SVOPL: variants seen among roughly 807,000 people sequenced by gnomAD.
The protein encoded by SVOPL is SVOP like, also known as putative transporter SVOPL.
In SVOPL, 60 loss-of-function variants were observed where a neutral mutation model predicts 61.0. The ratio of observed to expected loss-of-function variants is 0.98; its 90% confidence interval spans 0.80 to 1.22. The LOEUF is 1.22. SVOPL is among the 50% of genes most tolerant of loss of function. The pLI, the probability that SVOPL is intolerant of heterozygous loss-of-function variation, is 0.00. For synonymous variants in SVOPL, 279 were observed against 250.0 expected, an observed-to-expected ratio of 1.12 and a Z score of -1.09; for missense variants, 662 against 643.9, an observed-to-expected ratio of 1.03 and a Z score of -0.30.
At chr7:138,630,231 C>T in intron 9 of SVOPL, 109 bp from the exon 10 acceptor site, 4 of 842,266 alleles carry the variant, frequency 4.7e-6, no homozygotes, top group Non-Finnish European at 8.0e-6. Flanking sequence ...AGCATGGTGG[C>T]CTGCGATAAC....
At chr7:138,626,851 G>GAA (rs58498689) in intron 12 of SVOPL, among the ~76,000 whole-genome samples, 9 of 148,578 alleles carry the variant, frequency 6.1e-5, no homozygotes, top group Admixed American at 1.3e-4. Context: ...CTGTCTCAAA[G>GAA]AAAAAAAAAA....
intron 14 of SVOPL, among the ~76,000 whole-genome samples, chr7:138,620,163 C>T (rs1159180506): frequency 1.4e-5 from 2 of 143,722 alleles, no homozygotes; most frequent in Non-Finnish European, 3.0e-5. Flanking sequence ...CACTCTCGCC[C>T]AGCCTAGAGT....
At chr7:138,604,182 T>TC (rs1324452192) in intron 14 of SVOPL, among the ~76,000 whole-genome samples, 1 of 152,004 alleles carries the variant, frequency 6.6e-6, no homozygotes, top group Non-Finnish European at 1.5e-5. Flanking sequence ...CAGGCTGGTC[T>TC]CAGACTCCCA....
chr7:138,601,434 G>A (rs1021611179), intron 14 of SVOPL, among the ~76,000 whole-genome samples: 1 of 151,864 alleles, frequency 6.6e-6, no homozygotes, highest in East Asian at 1.9e-4. Flanking sequence ...CCTTGAAAAA[G>A]GAGGAAATGC....
At chr7:138,601,176 C>T (rs981610864) in intron 14 of SVOPL, among the ~76,000 whole-genome samples, 9 of 144,990 alleles carry the variant, frequency 6.2e-5, no homozygotes, top group South Asian at 2.2e-4. Context: ...GGCGTGAATT[C>T]GGGAGGCGGA....
intron 7 of SVOPL, among the ~76,000 whole-genome samples, chr7:138,650,109 C>A (rs1000419141): frequency 7.9e-5 from 12 of 152,104 alleles, no homozygotes; most frequent in Non-Finnish European, 1.5e-4. Context: ...GGATTACAGG[C>A]GCGAGCCACT....
chr7:138,630,247 A>G, intron 9 of SVOPL, 125 bp from the exon 10 acceptor site: 1 of 722,352 alleles, frequency 1.4e-6, no homozygotes, highest in Non-Finnish European at 2.5e-6. Flanking sequence ...ATAACCACTC[A>G]GCTCCTATGA....
intron 14 of SVOPL, among the ~76,000 whole-genome samples, chr7:138,606,421 C>A (rs952146692): frequency 6.6e-6 from 1 of 152,094 alleles, no homozygotes; most frequent in African/African-American, 2.4e-5. Context: ...TGTAACTTCC[C>A]TTATCTGCGT....
chr7:138,677,877 C>T (rs1802607701), intron 3 of SVOPL, among the ~76,000 whole-genome samples: 1 of 151,858 alleles, frequency 6.6e-6, no homozygotes, highest in Non-Finnish European at 1.5e-5. Flanking sequence ...ATTCTCCTGC[C>T]TCAGCCTCCC....
chr7:138,602,607 C>T (rs1229622957), intron 14 of SVOPL, among the ~76,000 whole-genome samples: 1 of 152,148 alleles, frequency 6.6e-6, no homozygotes, highest in Non-Finnish European at 1.5e-5. Flanking sequence ...CTCCCCCTTC[C>T]TTTTGTGTTC....
intron 15 of SVOPL, 65 bp from the exon 16 acceptor site, chr7:138,594,686 G>T: frequency 8.4e-7 from 1 of 1,192,934 alleles, no homozygotes; most frequent in South Asian, 1.8e-5. Context: ...TTCATACTGA[G>T]CTATCTGATA....
chr7:138,649,075 G>T lies in SVOPL; in HGVS notation c.597C>A (p.Ile199=). The change falls in exon 8 of 16, where the codon ATC becomes ATA. Residue 199 remains isoleucine (I), a synonymous_variant. Transcript: ENST00000674285. The stretch of plus-strand genomic sequence containing the variant: ...CGACGCGAATGAGCCAGCGCCACCC[G>T]ATGGTGGGGATGATCACAGAGGCCA... ...IGLASVIIPT[I]GWRWLIRVAS... 1 of 1,613,934 alleles carries T rather than the reference G, an allele frequency of 6.2e-7. No homozygotes were observed. Among genetic ancestry groups the T allele is most frequent in the Non-Finnish European group, 8.5e-7 (1 of 1,179,958 alleles).
intron 14 of SVOPL, among the ~76,000 whole-genome samples, chr7:138,620,041 C>T (rs1242664151): frequency 2.0e-5 from 3 of 151,168 alleles, no homozygotes; most frequent in Middle Eastern, 3.2e-3. Context: ...AGACTGGGCT[C>T]GGCCTCATTC....
intron 1 of SVOPL, among the ~76,000 whole-genome samples, chr7:138,699,893 T>C (rs1562922132): frequency 6.6e-6 from 1 of 152,136 alleles, no homozygotes; most frequent in Non-Finnish European, 1.5e-5. Context: ...GTCCCCGGTG[T>C]CAGGGGAATT....
At chr7:138,693,529 A>AAAAGAAAGAAAGAAAGAAAGAAAGAAAG (rs745407235) in intron 1 of SVOPL, among the ~76,000 whole-genome samples, 17 of 117,194 alleles carry the variant, frequency 1.5e-4, no homozygotes, top group South Asian at 3.1e-4. Context: ...AAAAGAAAGA[A>AAAAGAAAGAAAGAAAGAAAGAAAGAAAG]AAAGAAAGAA....
chr7:138,668,723 G>A (rs984636576), intron 4 of SVOPL, among the ~76,000 whole-genome samples: 2 of 152,248 alleles, frequency 1.3e-5, no homozygotes, highest in Non-Finnish European at 2.9e-5. Context: ...GGTTAACACA[G>A]TGAGTGACAG....
At chr7:138,623,658 T>C (rs1195196355) in intron 13 of SVOPL, among the ~76,000 whole-genome samples, 1 of 152,040 alleles carries the variant, frequency 6.6e-6, no homozygotes, top group Non-Finnish European at 1.5e-5. Context: ...AATGAGCAAA[T>C]TCCACAATAT....
At chr7:138,604,995 C>A (rs1798689143) in intron 14 of SVOPL, among the ~76,000 whole-genome samples, 1 of 151,668 alleles carries the variant, frequency 6.6e-6, no homozygotes, top group Non-Finnish European at 1.5e-5. Flanking sequence ...ATGGGAGGGT[C>A]ACCTGAAGCC....
At chr7:138,694,291 C>T (rs1803019885) in intron 1 of SVOPL, among the ~76,000 whole-genome samples, 1 of 152,242 alleles carries the variant, frequency 6.6e-6, no homozygotes, top group Admixed American at 6.5e-5. Context: ...GTCGCCCAGG[C>T]TGGCGTTCAA....
Sources: allele counts gnomAD v4.1 joint callset (sites outside exome capture counted in the v4.1 genomes callset), GRCh38; gene constraint gnomAD v4.1.1; transcripts MANE v1.5; gene names NCBI Gene and HGNC (gene_info 2026-07-23, HGNC 2026-07-21).